Variants in SBK1 observed in about 807,000 individuals in gnomAD.
The protein encoded by SBK1 is SH3 domain binding kinase 1, also known as serine/threonine-protein kinase SBK1.
Under a neutral mutation model 24.4 loss-of-function variants are expected in SBK1, and 11 were observed. That is an observed-to-expected ratio of 0.45 (90% CI 0.28 to 0.75). SBK1 has a LOEUF of 0.75. SBK1 is among the 30% of genes least tolerant of loss of function. SBK1 has a pLI of 0.12. For synonymous variants in SBK1, 308 were observed against 284.4 expected (o/e 1.08, Z -0.83); for missense variants, 467 against 620.5 (o/e 0.75, Z 2.63).
rs1398222181 is a variant in SBK1 at position 28,320,318 on chromosome 16, C to T, written c.672C>T (p.Arg224=). The T allele has an allele frequency of 2.5e-6, 4 of 1,591,664 alleles. No individual in the cohort carries two copies. The South Asian group carries it at 3.3e-5, about 13-fold the overall frequency. ...CGCCTGAGGTGTGCCAGGCGGGCCG[C>T]GCCGACGGGCTGGCGGTGGACACGG... ...YTAPEVCQAG[R]ADGLAVDTGV... Residue 224 remains arginine (R), a synonymous_variant, in exon 4 of 4, where the codon CGC becomes CGT. Transcript: ENST00000341901. The surrounding 1 kb of genome is among the most constrained non-coding windows in gnomAD (Gnocchi z 8.5).
chr16:28,292,760 C>T lies in SBK1; in HGVS notation c.-548C>T, dbSNP rs1258823681. The T allele has an allele frequency of 1.0e-6, 1 of 985,278 alleles. No homozygotes were observed. The highest frequency in any genetic ancestry group is 1.2e-6 in the Non-Finnish European group (1 of 829,794). 61.0% of individuals were successfully genotyped at this position (985,278 alleles called of 1,614,324 possible). A position where few individuals can be genotyped will look rare whatever the true frequency, so the allele number is the denominator to read the frequency against. Reference sequence around the variant, plus strand: ...GCCGAGGAGTGCGGGGAGCCCCCTTCCACATCCAGGATCCGGCGAGCCTCG... The same window carrying T: ...GCCGAGGAGTGCGGGGAGCCCCCTTTCACATCCAGGATCCGGCGAGCCTCG... On this transcript the variant is annotated 5_prime_UTR_variant, in exon 1 of 4. Transcript: ENST00000341901.
chr16:28,266,541 A>C (rs1196693505), intron 1 of SBK1, among the ~76,000 whole-genome samples: 1 of 152,092 alleles, frequency 6.6e-6, no homozygotes, highest in African/African-American at 2.4e-5. Context: ...CACTGAGCTG[A>C]AATCAAAGTG....
rs1404308473 is a variant in SBK1 at position 28,317,341 on chromosome 16, C to T, written c.-7-44C>T. ...GGCAGAGGGGCTGGAGGAGGGGACC[C>T]TTGCCTGATGTCACACTTCATGCTC... On this transcript the variant is annotated intron_variant, in intron 1 of 3. Coordinates refer to ENST00000341901, the MANE Select transcript of SBK1 (RefSeq NM_001024401.3). The surrounding 1 kb of genome is among the most constrained non-coding windows in gnomAD (Gnocchi z 4.2). 5.4e-6 allele frequency: 8 copies of T among 1,492,956 alleles called. No homozygotes were observed. The highest frequency in any genetic ancestry group is 7.4e-6 in the Non-Finnish European group (8 of 1,073,858). 92.5% of individuals were successfully genotyped at this position (1,492,956 alleles called of 1,614,324 possible). A position where few individuals can be genotyped will look rare whatever the true frequency, so the allele number is the denominator to read the frequency against.
intron 1 of SBK1, among the ~76,000 whole-genome samples, chr16:28,281,991 T>C (rs1216696362): frequency 6.6e-6 from 1 of 152,148 alleles, no homozygotes; most frequent in Non-Finnish European, 1.5e-5. Context: ...TGGAAGAAGC[T>C]GACCTTGTTG....
rs2044868057 is a variant in SBK1 at position 28,322,958 on chromosome 16, CTCTCT to C, written c.*2038_*2042del. 7.9e-6 allele frequency: 1 copy of C among 127,076 alleles called. No homozygotes were observed. The highest frequency in any genetic ancestry group is 1.7e-5 in the Non-Finnish European group (1 of 58,842). The allele number at this position is 127,076 out of a possible 1,614,324, so 7.9% of individuals were successfully genotyped here. On this transcript the variant is annotated 3_prime_UTR_variant, in exon 4 of 4. Transcript: ENST00000341901. Reference sequence around the variant, plus strand: ...TCTCTCTCTCTCTCTCTCTCTCTCTCTCTCTCTCTCTCTCTCTCTCTCCTCTCTTT... The same window carrying C: ...TCTCTCTCTCTCTCTCTCTCTCTCTCCTCTCTCTCTCTCTCTCCTCTCTTT...
At chr16:28,284,197 C>T (rs1182262578) in intron 1 of SBK1, among the ~76,000 whole-genome samples, 2 of 152,244 alleles carry the variant, frequency 1.3e-5, no homozygotes, top group African/African-American at 4.8e-5. Flanking sequence ...CTTTAGAATC[C>T]TTGTCTCAGG....
chr16:28,280,149 A>ATATATATGTGTGTGTGTGTGTGTGTG (rs1230385223), intron 1 of SBK1, among the ~76,000 whole-genome samples: 55 of 39,348 alleles, frequency 1.4e-3, no homozygotes, highest in Non-Finnish European at 2.2e-3. Flanking sequence ...ATATATATAT[A>ATATATATGTGTGTGTGTGTGTGTGTG]TGTGTGTGTG....
In SBK1 at chr16:28,307,739, C is replaced by CAA. The variant is rs34787009; in HGVS notation, c.-7-9630_-7-9629dup. 6.5e-4 allele frequency among the ~76,000 whole-genome samples: 42 copies of CAA among 64,172 alleles called. 1 individual carries two copies. The highest frequency in any genetic ancestry group is 1.0e-3 in the Admixed American group (7 of 6,720). The allele number at this position is 64,172 out of a possible 152,430, so 42.1% of individuals were successfully genotyped here. A position where few individuals can be genotyped will look rare whatever the true frequency, so the allele number is the denominator to read the frequency against. On this transcript the variant is annotated intron_variant, in intron 1 of 3. Transcript: ENST00000341901. The stretch of plus-strand genomic sequence containing the variant: ...TGGGCAACAGAGTGAGACTCAGTCT[C>CAA]AAAAAAAAAAAAAAAAAGAAGAAAG...
In SBK1 at chr16:28,292,987, A is replaced by G; in HGVS notation, c.-321A>G. 1.0e-6 allele frequency: 1 copy of G among 985,030 alleles called. No individual in the cohort carries two copies. The highest frequency in any genetic ancestry group is 1.2e-6 in the Non-Finnish European group (1 of 829,794). 61.0% of individuals were successfully genotyped at this position (985,030 alleles called of 1,614,324 possible). Reference sequence around the variant, plus strand: ...GAGAACCCCCTCCCAAGATCCGGTCATTACAACTCCACACCTCAAGACAAG... The same window carrying G: ...GAGAACCCCCTCCCAAGATCCGGTCGTTACAACTCCACACCTCAAGACAAG... On this transcript the variant is annotated 5_prime_UTR_variant, in exon 1 of 4. Transcript: ENST00000341901.
At position 28,317,409 on chromosome 16, in the gene SBK1, A is replaced by G. The variant is rs760983282; in HGVS notation, c.18A>G (p.Pro6=). Residue 6 remains proline, a synonymous_variant, in exon 2 of 4, where the codon CCA becomes CCG. Coordinates refer to ENST00000341901, the MANE Select transcript of SBK1 (RefSeq NM_001024401.3). The surrounding 1 kb of genome is among the most constrained non-coding windows in gnomAD (Gnocchi z 4.2). ...GGGAGAAGATGAGCGTGGGCTGCCC[A>G]GAGCCTGAGCCGCCCCGCTCCCTGA... is the stretch of plus-strand genomic sequence containing the variant. MSVGC[P]EPEPPRSLTC... 1.9e-6 allele frequency: 3 copies of G among 1,613,920 alleles called. No homozygotes were observed. The highest frequency in any genetic ancestry group is 2.5e-6 in the Non-Finnish European group (3 of 1,179,896).
intron 2 of SBK1, among the ~76,000 whole-genome samples, chr16:28,318,359 T>C (rs1350174142): frequency 1.3e-5 from 2 of 152,238 alleles, no homozygotes; most frequent in Non-Finnish European, 2.9e-5. Context: ...TCACCTGAGC[T>C]TTGTTACTTG....
Position 28,293,303 on chromosome 16 carries a change from A to T in SBK1, c.-8+3A>T, listed in dbSNP as rs2044615291. 1.0e-6 allele frequency: 1 copy of T among 984,920 alleles called. No homozygotes were observed. 61.0% of individuals were successfully genotyped at this position (984,920 alleles called of 1,614,324 possible). A position where few individuals can be genotyped will look rare whatever the true frequency, so the allele number is the denominator to read the frequency against. On this transcript the variant is annotated splice_donor_region_variant and intron_variant, in intron 1 of 3. Coordinates refer to ENST00000341901, the MANE Select transcript of SBK1 (RefSeq NM_001024401.3). ...GCGTCCCCGCGGCCCCAGCCCAGGT[A>T]AGCCGGGCCCAGGTGAGGGGCGGCA...
At chr16:28,307,140 G>A (rs1356692705) in intron 1 of SBK1, among the ~76,000 whole-genome samples, 3 of 152,210 alleles carry the variant, frequency 2.0e-5, no homozygotes, top group Non-Finnish European at 2.9e-5. Context: ...GGGGGTGCTA[G>A]AAGAGGTTGA....
rs1287484084 is a variant in SBK1, at chr16:28,280,018, A to G, written c.257+20516A>G. On this transcript the variant is annotated intron_variant, in intron 1 of 3. Transcript: ENST00000671413. Reference sequence around the variant, plus strand: ...TTTATTTTGAGCAGAGTCTTGCTCTATTGACCACGCTGGAATACAGTGGCA... The same window carrying G: ...TTTATTTTGAGCAGAGTCTTGCTCTGTTGACCACGCTGGAATACAGTGGCA... Among the ~76,000 whole-genome samples the G allele has an allele frequency of 2.0e-5, 3 of 148,698 alleles. 1 individual carries two copies. The highest frequency in any genetic ancestry group is 6.8e-3 in the Middle Eastern group (2 of 292).
chr16:28,304,563 GTCTC>G (rs2044702124), intron 1 of SBK1, among the ~76,000 whole-genome samples: 1 of 152,126 alleles, frequency 6.6e-6, no homozygotes, highest in Admixed American at 6.6e-5. Flanking sequence ...GCAATGTAAA[GTCTC>G]AGCACACTGA....
At chr16:28,276,943 C>T (rs1384761436) in intron 1 of SBK1, among the ~76,000 whole-genome samples, 2 of 152,098 alleles carry the variant, frequency 1.3e-5, no homozygotes, top group Non-Finnish European at 2.9e-5. Flanking sequence ...GGATTACAGG[C>T]GTGAGCCACA....
chr16:28,278,444 C>T (rs1473717030), intron 1 of SBK1, among the ~76,000 whole-genome samples: 1 of 152,122 alleles, frequency 6.6e-6, no homozygotes, highest in African/African-American at 2.4e-5. Context: ...CAGGCTCAAG[C>T]GATCCTCCTG....
upstream of SBK1, among the ~76,000 whole-genome samples, chr16:28,288,094 C>A (rs1482465163): frequency 6.6e-6 from 1 of 152,078 alleles, no homozygotes. Context: ...TGTACTAGAT[C>A]TAACACGTGG....
chr16:28,282,916 T>C (rs1366992267), intron 1 of SBK1, among the ~76,000 whole-genome samples: 1 of 148,532 alleles, frequency 6.7e-6, no homozygotes, highest in Admixed American at 6.6e-5. Context: ...TTTTTATTTA[T>C]TTATTTATTT....
Sources: gnomAD v4.1 joint callset for allele counts (sites outside exome capture counted in the v4.1 genomes callset) on GRCh38, gnomAD v4.1.1 for gene constraint, Gnocchi (gnomAD v3.1) non-coding constraint, MANE v1.5 for transcripts, NCBI Gene and HGNC (gene_info 2026-07-23, HGNC 2026-07-21) for gene names.